Variants in DMD observed in about 807,000 individuals in gnomAD.
DMD encodes the protein dystrophin, also known as mutant dystrophin.
DMD carries 63 observed loss-of-function variants against 330.1 expected under a neutral mutation model. The ratio of observed to expected loss-of-function variants is 0.19; its 90% CI spans 0.16 to 0.24. The LOEUF (loss-of-function observed/expected upper bound fraction) is 0.24, where lower values mean the gene tolerates loss of function less well. Ranked by LOEUF, DMD falls within the 10% of genes least tolerant of loss-of-function variation. The probability of loss-of-function intolerance (pLI) is 1.00; values close to 1 mark genes in which losing one functional copy is unlikely to be tolerated. For synonymous variants in DMD, 1,223 were observed against 959.8 expected (o/e 1.27, Z -5.07); for missense variants, 3,344 against 2,684.1 (o/e 1.25, Z -5.43).
At chrX:33,292,690 A>G (rs2053530052) in intron 1 of DMD, among the ~76,000 whole-genome samples, 1 of 111,418 alleles carries the variant, frequency 9.0e-6, no homozygotes, top group Non-Finnish European at 1.9e-5. Flanking sequence ...AAGAAAAAAA[A>G]GAAAGAAAAT....
chrX:32,954,255 C>T (rs1383337101), intron 2 of DMD, among the ~76,000 whole-genome samples: 5 of 112,107 alleles, frequency 4.5e-5, no homozygotes, highest in African/African-American at 1.3e-4. Flanking sequence ...GCTCCAAGGA[C>T]CTATGAGAGA....
At chrX:31,766,051 A>G (rs1202823826) in intron 51 of DMD, among the ~76,000 whole-genome samples, 1 of 111,505 alleles carries the variant, frequency 9.0e-6, no homozygotes, top group African/African-American at 3.3e-5. Context: ...GGTGAAATGG[A>G]AAGCCTAAAA....
intron 44 of DMD, among the ~76,000 whole-genome samples, chrX:32,113,155 C>A (rs1256367471): frequency 8.9e-6 from 1 of 112,788 alleles, no homozygotes; most frequent in African/African-American, 3.2e-5. Context: ...TACGTTTGCA[C>A]CTGCACAGGC....
chrX:31,819,996 C>T lies in DMD; in HGVS notation c.7288G>A (p.Gly2430Arg), dbSNP rs200078222. ...TTACAGGCTCCAATAGTGGTCAGTC[C>T]AGGAGCTAGGTCAGGCTGCTTTGCC... ...LRAKQPDLAP[G>R]LTTIGASPTQ... The change falls in exon 50 of 79, where the codon GGA becomes AGA. Residue 2430 changes from glycine (G) to arginine (R), a missense_variant. Gly to Arg is a moderately radical substitution (Grantham distance 125). Coordinates refer to ENST00000357033, the MANE Select transcript of DMD (RefSeq NM_004006.3). 1 of 1,209,155 alleles carries T rather than the reference C, an allele frequency of 8.3e-7. No homozygotes were observed. Among genetic ancestry groups the T allele is most frequent in the Non-Finnish European group, 1.1e-6 (1 of 894,254 alleles).
intron 16 of DMD, among the ~76,000 whole-genome samples, chrX:32,554,847 A>C (rs60018388): frequency 1.6e-5 from 1 of 63,618 alleles, no homozygotes. Flanking sequence ...AGAGAGAGAG[A>C]GAGAGAGAGA....
At chrX:32,088,123 C>T (rs932989937) in intron 44 of DMD, among the ~76,000 whole-genome samples, 21 of 111,969 alleles carry the variant, frequency 1.9e-4, no homozygotes, top group Non-Finnish European at 3.4e-4. Flanking sequence ...TTAAATTGGG[C>T]TACTAAAACA....
intron 52 of DMD, among the ~76,000 whole-genome samples, chrX:31,682,321 T>C (rs927579188): frequency 1.8e-5 from 2 of 111,674 alleles, no homozygotes; most frequent in Non-Finnish European, 3.8e-5. Flanking sequence ...TCAGTTAACA[T>C]GTCAACCTCT....
chrX:31,822,652 G>GT (rs2092789099), intron 49 of DMD, among the ~76,000 whole-genome samples: 2 of 68,386 alleles, frequency 2.9e-5, no homozygotes, highest in African/African-American at 5.6e-5. Context: ...AAAGGCAGAG[G>GT]GGTGTGTGTG....
chrX:32,803,168 A>AT lies in DMD; in HGVS notation c.649+6324dup. On this transcript the variant is annotated intron_variant, in intron 7 of 78. Coordinates refer to ENST00000357033, the MANE Select transcript of DMD (RefSeq NM_004006.3). ...GAACTTGTTATTGTTCTATTCAGGG[A>AT]TTTGACTTCTTCCTGGTTTAATCTT... 3.6e-5 allele frequency among the ~76,000 whole-genome samples: 4 copies of AT among 111,188 alleles called. No homozygotes were observed. In the South Asian group the frequency reaches 1.5e-3, roughly 42 times the overall value.
At chrX:33,299,354 A>G (rs1289769716) in intron 1 of DMD, among the ~76,000 whole-genome samples, 1 of 111,867 alleles carries the variant, frequency 8.9e-6, no homozygotes, top group Non-Finnish European at 1.9e-5. Context: ...TGAAATTAAT[A>G]TCATCTACCT....
At chrX:32,061,503 C>T (rs1296776043) in intron 44 of DMD, among the ~76,000 whole-genome samples, 1 of 111,558 alleles carries the variant, frequency 9.0e-6, no homozygotes, top group African/African-American at 3.3e-5. Flanking sequence ...TACAGTTGTG[C>T]TCTGACTACA....
At chrX:31,494,541 T>C (rs2069640835) in intron 57 of DMD, among the ~76,000 whole-genome samples, 1 of 111,546 alleles carries the variant, frequency 9.0e-6, no homozygotes, top group Non-Finnish European at 1.9e-5. Flanking sequence ...ACTAACCAAG[T>C]GGGGACGGAT....
intron 1 of DMD, among the ~76,000 whole-genome samples, chrX:33,033,520 C>A (rs1257255119): frequency 2.1e-5 from 2 of 94,866 alleles, no homozygotes; most frequent in African/African-American, 8.3e-5. Context: ...ACCCTCCTGG[C>A]AAACACGGTG....
intron 7 of DMD, among the ~76,000 whole-genome samples, chrX:32,721,523 G>C (rs1170508248): frequency 9.1e-6 from 1 of 110,343 alleles, no homozygotes; most frequent in Non-Finnish European, 1.9e-5. Flanking sequence ...AAATGTTCAA[G>C]TTCTTTCCCA....
chrX:32,193,079 C>T (rs1220464905), intron 44 of DMD, among the ~76,000 whole-genome samples: 1 of 111,179 alleles, frequency 9.0e-6, no homozygotes, highest in Non-Finnish European at 1.9e-5. Flanking sequence ...GTGTGTGGTA[C>T]TTCATTCTGT....
chrX:32,371,103 G>C (rs1363876964), intron 34 of DMD, among the ~76,000 whole-genome samples: 1 of 111,247 alleles, frequency 9.0e-6, no homozygotes, highest in East Asian at 2.8e-4. Context: ...CAAACAGAAA[G>C]ATGCATTCTG....
intron 76 of DMD, among the ~76,000 whole-genome samples, chrX:31,136,987 T>C (rs2035321469): frequency 8.9e-6 from 1 of 112,061 alleles, no homozygotes; most frequent in Non-Finnish European, 1.9e-5. Flanking sequence ...TTTCATGATT[T>C]CTCAAGATGG....
intron 1 of DMD, among the ~76,000 whole-genome samples, chrX:33,319,402 G>A (rs1323681103): frequency 1.8e-5 from 2 of 111,053 alleles, no homozygotes; most frequent in African/African-American, 6.5e-5. Context: ...AATGTATTTA[G>A]AAATCTGGGA....
At chrX:33,178,301 A>C (rs1352428136) in intron 1 of DMD, among the ~76,000 whole-genome samples, 1 of 111,989 alleles carries the variant, frequency 8.9e-6, no homozygotes, top group Non-Finnish European at 1.9e-5. Context: ...CATTTTAGAC[A>C]ATGATGTTAC....
Sources: allele counts gnomAD v4.1 joint callset (sites outside exome capture counted in the v4.1 genomes callset), GRCh38; gene constraint gnomAD v4.1.1; transcripts MANE v1.5; gene names NCBI Gene and HGNC (gene_info 2026-07-23, HGNC 2026-07-21).